Variants in INVS observed in about 807,000 individuals in gnomAD.
INVS encodes inversion of embryo turning homolog.
Under a neutral mutation model 108.8 loss-of-function variants are expected in INVS, and 86 were observed. That is an observed-to-expected ratio of 0.79 (90% CI 0.66 to 0.95). The LOEUF (loss-of-function observed/expected upper bound fraction) is 0.95, where lower values mean the gene tolerates loss of function less well. Ranked by LOEUF, INVS falls within the 40% of genes least tolerant of loss-of-function variation. INVS has a pLI of 0.00. For synonymous variants in INVS, 455 were observed against 473.5 expected, an observed-to-expected ratio of 0.96 and a Z score of 0.51; for missense variants, 1,169 against 1,297.4, an observed-to-expected ratio of 0.90 and a Z score of 1.52.
chr9:100,242,636 A>G lies in INVS; in HGVS notation c.863A>G (p.Gln288Arg). The change falls in exon 7 of 17, where the codon CAA (glutamine) becomes CGA (arginine). Residue 288 changes from glutamine to arginine, a missense_variant. This residue lies in a region of INVS where 365 missense variants were observed against 397.5 expected (regional missense o/e 0.92). Transcript: ENST00000262457. Reference sequence around the variant, plus strand: ...TCTGGAACTATCCCATCTGACAGCCAAGGAGCCACACCTTTGCACTATGCT... The same window carrying G: ...TCTGGAACTATCCCATCTGACAGCCGAGGAGCCACACCTTTGCACTATGCT... ...NKSGTIPSDS[Q>R]GATPLHYAAQ... 6.2e-7 allele frequency: 1 copy of G among 1,612,226 alleles called. No individual in the cohort carries two copies. The highest frequency in any genetic ancestry group is 8.5e-7 in the Non-Finnish European group (1 of 1,178,392).
Position 100,239,736 on chromosome 9 carries a change from C to T in INVS, c.616-324C>T, listed in dbSNP as rs186913086. Among the ~76,000 whole-genome samples, 578 of 152,266 alleles carry T rather than the reference C, an allele frequency of 3.8e-3. 4 individuals carry two copies. Among genetic ancestry groups the T allele is most frequent in the African/African-American group, 0.013 (526 of 41,560 alleles). On this transcript the variant is annotated intron_variant, in intron 5 of 16. Transcript: ENST00000262457. ...ACCATAATCCCAGCATTTTGGGAGGCTGAGGTAGGAGAATTGCTTGAGCCT... is the reference window on the plus strand; with the variant it reads ...ACCATAATCCCAGCATTTTGGGAGGTTGAGGTAGGAGAATTGCTTGAGCCT...
At chr9:100,216,196 C>G (rs185076538) in intron 3 of INVS, among the ~76,000 whole-genome samples, 1 of 152,306 alleles carries the variant, frequency 6.6e-6, no homozygotes, top group Non-Finnish European at 1.5e-5. Flanking sequence ...TGTAGTCTTC[C>G]AAGTGGCAGA....
intron 3 of INVS, among the ~76,000 whole-genome samples, chr9:100,149,197 A>G (rs1828727680): frequency 6.6e-6 from 1 of 152,210 alleles, no homozygotes; most frequent in African/African-American, 2.4e-5. Flanking sequence ...CCATTCTACC[A>G]CAAGCTATGT....
chr9:100,261,496 T>C (rs1832621605), intron 10 of INVS, among the ~76,000 whole-genome samples: 1 of 152,146 alleles, frequency 6.6e-6, no homozygotes, highest in Non-Finnish European at 1.5e-5. Context: ...CTCGATCTCC[T>C]GATCTTGTGA....
intron 3 of INVS, among the ~76,000 whole-genome samples, chr9:100,141,847 A>T (rs1828439261): frequency 1.3e-5 from 2 of 152,224 alleles, no homozygotes; most frequent in African/African-American, 4.8e-5. Flanking sequence ...TGTAACCTAC[A>T]TGGAAGAGGT....
At chr9:100,218,123 A>G (rs999619917) in intron 3 of INVS, among the ~76,000 whole-genome samples, 6 of 152,148 alleles carry the variant, frequency 3.9e-5, no homozygotes, top group African/African-American at 1.4e-4. Flanking sequence ...CCTACTTTAC[A>G]TTTGTGTGTG....
intron 3 of INVS, among the ~76,000 whole-genome samples, chr9:100,216,253 C>A (rs140514140): frequency 6.6e-6 from 1 of 152,278 alleles, no homozygotes; most frequent in South Asian, 2.1e-4. Flanking sequence ...AGTAAAAATA[C>A]GGCTAGTCTT....
rs1032223225 is a variant in INVS at position 100,226,121 on chromosome 9, T to A, written c.333T>A (p.Asp111Glu). Residue 111 changes from aspartate (D) to glutamate (E), a missense_variant, in exon 4 of 17, where the codon GAT (aspartate) becomes GAA (glutamate). Coordinates refer to ENST00000262457, the MANE Select transcript of INVS (RefSeq NM_014425.5). Reference sequence around the variant, plus strand: ...GCAGAGCAAACTGGATGCAAAAGGATCTGGAAGAGATGACTCCTTTGCACT... The same window carrying A: ...GCAGAGCAAACTGGATGCAAAAGGAACTGGAAGAGATGACTCCTTTGCACT... ...LTRRANWMQK[D>E]LEEMTPLHLT... The A allele has an allele frequency of 2.0e-5, 32 of 1,613,764 alleles. No individual in the cohort carries two copies. The highest frequency in any genetic ancestry group is 2.5e-5 in the Non-Finnish European group (29 of 1,179,882).
intron 5 of INVS, among the ~76,000 whole-genome samples, chr9:100,231,293 A>AT (rs528005001): frequency 6.6e-6 from 1 of 151,816 alleles, no homozygotes. Context: ...TTAGCTCTGC[A>AT]TTTTTTTTGT....
chr9:100,233,090 C>A (rs753725454), intron 5 of INVS, among the ~76,000 whole-genome samples: 1 of 152,106 alleles, frequency 6.6e-6, no homozygotes, highest in Non-Finnish European at 1.5e-5. Flanking sequence ...CCTTCACATC[C>A]CTTGTAAGTT....
chr9:100,181,366 A>G (rs529775931), intron 3 of INVS, among the ~76,000 whole-genome samples: 2 of 152,272 alleles, frequency 1.3e-5, no homozygotes, highest in South Asian at 4.2e-4. Context: ...ATATTTAGAA[A>G]ATCCCATCAT....
At chr9:100,177,655 G>A (rs1444698929) in intron 3 of INVS, among the ~76,000 whole-genome samples, 1 of 152,224 alleles carries the variant, frequency 6.6e-6, no homozygotes, top group East Asian at 1.9e-4. Context: ...ACTCCCATCT[G>A]CCTGGGACAG....
At chr9:100,243,968 G>A (rs879513414) in intron 7 of INVS, among the ~76,000 whole-genome samples, 30 of 152,092 alleles carry the variant, frequency 2.0e-4, no homozygotes, top group South Asian at 2.1e-4. Context: ...CCAGGATAGC[G>A]CCACTATACT....
chr9:100,105,257 A>G (rs1044971032), intron 2 of INVS, among the ~76,000 whole-genome samples: 1 of 152,240 alleles, frequency 6.6e-6, no homozygotes, highest in African/African-American at 2.4e-5. Flanking sequence ...GTCTGATGAC[A>G]TCATGATTGA....
In INVS at chr9:100,100,928, A is replaced by ATATATTATATATGT. The variant is rs1163636437; in HGVS notation, c.-25+1512_-25+1513insTATATTATATATGT. Reference sequence around the variant, plus strand: ...GTATATATATTATATGTATATATATAATATATATAATATATATACATATAT... The same window carrying ATATATTATATATGT: ...GTATATATATTATATGTATATATATATATATTATATATGTATATATATAATATATATACATATAT... On this transcript the variant is annotated intron_variant, in intron 1 of 16. Coordinates refer to ENST00000262457, the MANE Select transcript of INVS (RefSeq NM_014425.5). Among the ~76,000 whole-genome samples, 160 of 23,220 alleles carry ATATATTATATATGT rather than the reference A, an allele frequency of 6.9e-3. 18 individuals carry two copies. Among genetic ancestry groups the ATATATTATATATGT allele is most frequent in the African/African-American group, 8.4e-3 (27 of 3,204 alleles). 15.2% of individuals were successfully genotyped at this position (23,220 alleles called of 152,430 possible).
chr9:100,146,284 G>A (rs1337485926), intron 3 of INVS, among the ~76,000 whole-genome samples: 1 of 143,348 alleles, frequency 7.0e-6, no homozygotes, highest in Non-Finnish European at 1.5e-5. Flanking sequence ...TACAGTCAAA[G>A]GGGGGTTGTT....
intron 10 of INVS, 115 bp from the exon 11 acceptor site, chr9:100,264,707 T>A (rs1365720517): frequency 1.3e-6 from 1 of 751,998 alleles, no homozygotes; most frequent in Non-Finnish European, 2.4e-6. Context: ...TTTCCCTTTT[T>A]GTAAATAAGC....
At chr9:100,103,387 G>A (rs1827065061) in intron 1 of INVS, among the ~76,000 whole-genome samples, 1 of 151,640 alleles carries the variant, frequency 6.6e-6, no homozygotes, top group African/African-American at 2.4e-5. Flanking sequence ...AGCACTTTGG[G>A]ATGCCAAGGT....
chr9:100,100,971 T>C (rs1316697091), intron 1 of INVS, among the ~76,000 whole-genome samples: 1 of 69,850 alleles, frequency 1.4e-5, no homozygotes, highest in Non-Finnish European at 2.4e-5. Flanking sequence ...ATATAATATA[T>C]ATTATATATA....
Sources: gnomAD v4.1 joint callset for allele counts (sites outside exome capture counted in the v4.1 genomes callset) on GRCh38, gnomAD v4.1.1 for gene constraint, gnomAD v4.1.1 regional missense constraint, MANE v1.5 for transcripts, NCBI Gene and HGNC (gene_info 2026-07-23, HGNC 2026-07-21) for gene names.